Variants in CPQ observed in about 807,000 individuals in gnomAD.
CPQ encodes the protein carboxypeptidase Q, also known as Ser-Met dipeptidase.
A neutral mutation model predicts 45.7 loss-of-function variants in CPQ; 37 were observed. That is an observed-to-expected ratio of 0.81 (90% CI 0.62 to 1.07). The LOEUF (loss-of-function observed/expected upper bound fraction) is 1.07. CPQ is among the 50% of genes least tolerant of loss of function. The pLI is 0.00. For missense variants in CPQ, 537 were observed against 572.9 expected (o/e 0.94, Z 0.64); for synonymous variants, 186 against 205.8 (o/e 0.90, Z 0.82).
chr8:96,700,822 A>G (rs1293706848), intron 1 of CPQ, among the ~76,000 whole-genome samples: 1 of 152,182 alleles, frequency 6.6e-6, no homozygotes, highest in Non-Finnish European at 1.5e-5. Flanking sequence ...AGGGAGAAGA[A>G]CTTTCCCCCT....
At chr8:96,835,620 T>C (rs1425537176) in intron 3 of CPQ, among the ~76,000 whole-genome samples, 1 of 152,136 alleles carries the variant, frequency 6.6e-6, no homozygotes, top group Non-Finnish European at 1.5e-5. Context: ...AGTGAAGAGT[T>C]AGGGAATTAG....
At chr8:97,105,303 GAAT>G (rs1195955047) in intron 7 of CPQ, among the ~76,000 whole-genome samples, 1 of 152,088 alleles carries the variant, frequency 6.6e-6, no homozygotes, top group Non-Finnish European at 1.5e-5. Flanking sequence ...CATCTAAGTG[GAAT>G]AATACAATAT....
intron 4 of CPQ, 21 bp downstream of exon 4, chr8:96,880,026 G>T (rs1354567496): frequency 6.3e-7 from 1 of 1,598,982 alleles, no homozygotes; most frequent in Admixed American, 1.7e-5. Context: ...GAGAAGGCTG[G>T]CCTAAGAATA....
intron 4 of CPQ, among the ~76,000 whole-genome samples, chr8:96,946,334 G>A (rs938931459): frequency 1.3e-5 from 2 of 151,978 alleles, no homozygotes; most frequent in African/African-American, 4.8e-5. Flanking sequence ...ATGTTAGTTT[G>A]CTATATTGAA....
intron 2 of CPQ, among the ~76,000 whole-genome samples, chr8:96,797,664 C>G (rs1364547046): frequency 1.3e-5 from 2 of 152,102 alleles, no homozygotes; most frequent in South Asian, 4.1e-4. Context: ...CGCTTTTAAT[C>G]TCAGTGCTTT....
chr8:97,136,899 C>T (rs960707523), intron 7 of CPQ, among the ~76,000 whole-genome samples: 2 of 152,194 alleles, frequency 1.3e-5, no homozygotes, highest in African/African-American at 2.4e-5. Context: ...CTGACCCACC[C>T]ACCCTGCAAT....
At chr8:97,043,778 A>C (rs1305120563) in intron 6 of CPQ, among the ~76,000 whole-genome samples, 6 of 152,210 alleles carry the variant, frequency 3.9e-5, no homozygotes, top group African/African-American at 1.4e-4. Flanking sequence ...TCTGGTTTGA[A>C]AATTCTTTCC....
rs183581329 is a variant in CPQ at position 96,673,616 on chromosome 8, G to C, written c.-35+28214G>C. Among the ~76,000 whole-genome samples the C allele has an allele frequency of 9.1e-4, 139 of 152,276 alleles. 1 individual carries two copies. The highest frequency in any genetic ancestry group is 5.0e-3 in the Admixed American group (76 of 15,284). On this transcript the variant is annotated intron_variant, in intron 1 of 7. Coordinates refer to ENST00000220763, the MANE Select transcript of CPQ (RefSeq NM_016134.4). Reference sequence around the variant, plus strand: ...CTTATGATTTAGTTCTAGGAAGTCAGTGTGAATTGGCCTTAGGGTCCCTGC... The same window carrying C: ...CTTATGATTTAGTTCTAGGAAGTCACTGTGAATTGGCCTTAGGGTCCCTGC...
At chr8:96,729,146 G>A (rs1033049788) in intron 1 of CPQ, among the ~76,000 whole-genome samples, 8 of 152,294 alleles carry the variant, frequency 5.3e-5, no homozygotes, top group South Asian at 2.1e-4. Flanking sequence ...AAAAACTCTC[G>A]CAAGAGAAGT....
At chr8:96,776,396 A>G (rs879271074) in intron 1 of CPQ, among the ~76,000 whole-genome samples, 1 of 152,174 alleles carries the variant, frequency 6.6e-6, no homozygotes, top group African/African-American at 2.4e-5. Flanking sequence ...GTTTTCATGT[A>G]AGTAGTATAG....
At chr8:96,659,071 C>T (rs1815669379) in intron 1 of CPQ, among the ~76,000 whole-genome samples, 2 of 152,154 alleles carry the variant, frequency 1.3e-5, no homozygotes, top group African/African-American at 4.8e-5. Context: ...TAAGATAGAC[C>T]TGCCACATGG....
chr8:96,927,049 A>G (rs1812901916), intron 4 of CPQ, among the ~76,000 whole-genome samples: 1 of 152,256 alleles, frequency 6.6e-6, no homozygotes, highest in Non-Finnish European at 1.5e-5. Flanking sequence ...TAGCAGAGCG[A>G]TGACTATTAA....
chr8:96,679,519 T>G (rs1809122582), intron 1 of CPQ, among the ~76,000 whole-genome samples: 1 of 152,138 alleles, frequency 6.6e-6, no homozygotes, highest in South Asian at 2.1e-4. Flanking sequence ...CTTCATGAGT[T>G]TAGTAGAATT....
chr8:96,774,227 T>C (rs1345129133), intron 1 of CPQ, among the ~76,000 whole-genome samples: 1 of 150,426 alleles, frequency 6.6e-6, no homozygotes, highest in African/African-American at 2.5e-5. Context: ...CCCAAGACTG[T>C]GCCATTGCAC....
At position 96,916,024 on chromosome 8, in the gene CPQ, G is replaced by A. The variant is rs544485674; in HGVS notation, c.849+36019G>A. Among the ~76,000 whole-genome samples, 6 of 152,308 alleles carry A rather than the reference G, an allele frequency of 3.9e-5. No homozygotes were observed. In the South Asian group the frequency reaches 1.2e-3, roughly 32 times the overall value. ...AATCCCTGTAAGAATGGAAAAGAGA[G>A]AGATCTGATTCCTCTTAGGAGAGTT... On this transcript the variant is annotated intron_variant, in intron 4 of 7. Coordinates refer to ENST00000220763, the MANE Select transcript of CPQ (RefSeq NM_016134.4).
chr8:96,843,891 T>C (rs1811650585), intron 3 of CPQ, among the ~76,000 whole-genome samples: 1 of 152,214 alleles, frequency 6.6e-6, no homozygotes, highest in Non-Finnish European at 1.5e-5. Context: ...TATGGTGCTT[T>C]GTGGGGCTGC....
intron 3 of CPQ, among the ~76,000 whole-genome samples, chr8:96,853,218 T>A (rs913570863): frequency 2.0e-5 from 3 of 152,204 alleles, no homozygotes; most frequent in Non-Finnish European, 4.4e-5. Flanking sequence ...ATAAATGTCA[T>A]GGGAAGGTAT....
chr8:97,035,149 C>T (rs977241789), intron 6 of CPQ, among the ~76,000 whole-genome samples: 1 of 152,174 alleles, frequency 6.6e-6, no homozygotes, highest in Non-Finnish European at 1.5e-5. Flanking sequence ...CCTCGGCCTC[C>T]TAAAGTGCTG....
At chr8:96,718,656 C>T (rs1809718674) in intron 1 of CPQ, among the ~76,000 whole-genome samples, 1 of 152,146 alleles carries the variant, frequency 6.6e-6, no homozygotes, top group Admixed American at 6.5e-5. Context: ...CTCGGGCAGC[C>T]TGCTTTTATT....
Sources: gnomAD v4.1 joint callset for allele counts (sites outside exome capture counted in the v4.1 genomes callset) on GRCh38, gnomAD v4.1.1 for gene constraint, MANE v1.5 for transcripts, NCBI Gene and HGNC (gene_info 2026-07-23, HGNC 2026-07-21) for gene names.